Variants in FAF1 observed in about 807,000 individuals in gnomAD.
FAF1 encodes the protein FAS-associated factor 1.
A neutral mutation model predicts 92.5 loss-of-function variants in FAF1; 25 were observed. That is an observed-to-expected ratio of 0.27 (90% CI 0.20 to 0.38). The LOEUF is 0.38. Ranked by LOEUF, FAF1 falls within the 10% of genes least tolerant of loss-of-function variation. The pLI is 1.00. For missense variants in FAF1, 636 were observed against 793.3 expected (o/e 0.80, Z 2.38); for synonymous variants, 234 against 273.2 (o/e 0.86, Z 1.42).
intron 1 of FAF1, among the ~76,000 whole-genome samples, chr1:50,870,374 T>C (rs1644517752): frequency 6.6e-6 from 1 of 152,220 alleles, no homozygotes; most frequent in Admixed American, 6.5e-5. Flanking sequence ...AGAAAATCAC[T>C]TGAACGCGCG....
intron 8 of FAF1, among the ~76,000 whole-genome samples, chr1:50,600,534 T>A (rs1012294035): frequency 1.3e-5 from 2 of 151,972 alleles, no homozygotes; most frequent in Non-Finnish European, 2.9e-5. Context: ...CACAAAAAAA[T>A]TAAAATAAAA....
At chr1:50,894,304 T>TAAAA (rs34801737) in intron 1 of FAF1, among the ~76,000 whole-genome samples, 3 of 62,980 alleles carry the variant, frequency 4.8e-5, no homozygotes, top group African/African-American at 1.6e-4. Flanking sequence ...GTCTCAAAAT[T>TAAAA]AAAAAAAAAA....
chr1:50,788,276 C>T (rs1661437053), intron 3 of FAF1, 71 bp from the exon 4 acceptor site: 1 of 1,318,998 alleles, frequency 7.6e-7, no homozygotes, highest in African/African-American at 1.5e-5. Context: ...GGACCCTCTC[C>T]ATACTTGGCT....
chr1:50,464,128 ATGTCTG>A (rs1399848299), intron 18 of FAF1, among the ~76,000 whole-genome samples: 1 of 152,164 alleles, frequency 6.6e-6, no homozygotes, highest in Non-Finnish European at 1.5e-5. Flanking sequence ...ACCATGTGCC[ATGTCTG>A]TGTCCTCACA....
At chr1:50,531,660 C>T (rs1648176445) in intron 15 of FAF1, among the ~76,000 whole-genome samples, 2 of 152,018 alleles carry the variant, frequency 1.3e-5, no homozygotes. Context: ...AAACCAAATA[C>T]TACTAATGAA....
intron 18 of FAF1, among the ~76,000 whole-genome samples, chr1:50,458,374 C>G (rs906124474): frequency 6.6e-6 from 1 of 152,078 alleles, no homozygotes; most frequent in Non-Finnish European, 1.5e-5. Flanking sequence ...GAAATTTAAA[C>G]TCTTTGAGCT....
chr1:50,845,173 G>T (rs567364986), intron 2 of FAF1, among the ~76,000 whole-genome samples: 30 of 152,136 alleles, frequency 2.0e-4, no homozygotes, highest in Admixed American at 4.6e-4. Context: ...AAGTAAGCAT[G>T]ATATTAACCT....
chr1:50,493,739 C>CATAAA (rs1309633089), intron 15 of FAF1, among the ~76,000 whole-genome samples: 1 of 152,160 alleles, frequency 6.6e-6, no homozygotes, highest in Non-Finnish European at 1.5e-5. Flanking sequence ...TCTTTCCAGG[C>CATAAA]ATAAAATACT....
At chr1:50,665,054 G>T (rs1569714225) in intron 7 of FAF1, among the ~76,000 whole-genome samples, 1 of 152,064 alleles carries the variant, frequency 6.6e-6, no homozygotes, top group Non-Finnish European at 1.5e-5. Flanking sequence ...CTCAATAAAA[G>T]CTCTTAAAAT....
chr1:50,518,795 G>C (rs928829772), intron 15 of FAF1, among the ~76,000 whole-genome samples: 6 of 152,104 alleles, frequency 3.9e-5, no homozygotes, highest in African/African-American at 1.2e-4. Flanking sequence ...CCGAGCAGTA[G>C]GTTGCTGTAT....
In FAF1 at chr1:50,506,100, G is replaced by A. The variant is rs868579995; in HGVS notation, c.1495-14299C>T. Among the ~76,000 whole-genome samples, 24 of 152,338 alleles carry A rather than the reference G, an allele frequency of 1.6e-4. No individual in the cohort carries two copies. The Middle Eastern group carries it at 0.014, about 86-fold the overall frequency. On this transcript the variant is annotated intron_variant, in intron 15 of 18. Coordinates refer to ENST00000396153, the MANE Select transcript of FAF1 (RefSeq NM_007051.3). ...ATAAAAATGATTTGATTAAGCATAT[G>A]AGGGCAAAGGAATAATGGACAGGTT...
At chr1:50,900,940 G>A (rs1205411024) in intron 1 of FAF1, among the ~76,000 whole-genome samples, 1 of 151,602 alleles carries the variant, frequency 6.6e-6, no homozygotes, top group East Asian at 1.9e-4. Context: ...ATTTGATCTT[G>A]ATGTGATTTC....
At position 50,882,662 on chromosome 1, in the gene FAF1, A is replaced by G. The variant is rs142423844; in HGVS notation, c.46-24665T>C. 3.4e-4 allele frequency among the ~76,000 whole-genome samples: 52 copies of G among 151,700 alleles called. No homozygotes were observed. The East Asian group carries it at 8.7e-3, about 25-fold the overall frequency. On this transcript the variant is annotated intron_variant, in intron 1 of 18. Transcript: ENST00000396153. ...TAAATAAATAAATGTGTATGTATGT[A>G]TGTATGTGTAAACACACACAAACTA...
chr1:50,936,497 C>T (rs561872296), intron 1 of FAF1, among the ~76,000 whole-genome samples: 76 of 152,220 alleles, frequency 5.0e-4, no homozygotes, highest in African/African-American at 1.8e-3. Context: ...CACAAAATGA[C>T]GTAAGTTCAA....
chr1:50,957,347 CTTTTTTTTT>C (rs1188286312), intron 1 of FAF1, among the ~76,000 whole-genome samples: 3 of 104,244 alleles, frequency 2.9e-5, no homozygotes, highest in East Asian at 2.7e-4. Context: ...TTTTCATTTT[CTTTTTTTTT>C]TTTTTTTTTT....
intron 7 of FAF1, among the ~76,000 whole-genome samples, chr1:50,660,323 C>T (rs1655315882): frequency 6.6e-6 from 1 of 152,052 alleles, no homozygotes; most frequent in East Asian, 1.9e-4. Context: ...CAGTAGATAA[C>T]ATTCTCAGTT....
intron 13 of FAF1, among the ~76,000 whole-genome samples, chr1:50,555,845 T>C (rs977838257): frequency 6.6e-6 from 1 of 151,906 alleles, no homozygotes; most frequent in Non-Finnish European, 1.5e-5. Context: ...ATGGCAAAGA[T>C]AGGGAATCAA....
rs147401185 is a variant in FAF1 at position 50,565,167 on chromosome 1, A to C, written c.1268+1910T>G. Among the ~76,000 whole-genome samples the C allele has an allele frequency of 2.2e-4, 33 of 152,218 alleles. No individual in the cohort carries two copies. The East Asian group carries it at 5.2e-3, about 24-fold the overall frequency. On this transcript the variant is annotated intron_variant, in intron 13 of 18. Transcript: ENST00000396153. ...AAATATAACACCTTTTAAATTTGTA[A>C]TATGGACAGAACTATTAATAGATTT...
At chr1:50,684,770 T>C (rs903110457) in intron 7 of FAF1, among the ~76,000 whole-genome samples, 1 of 152,184 alleles carries the variant, frequency 6.6e-6, no homozygotes, top group Non-Finnish European at 1.5e-5. Flanking sequence ...TGCTACAATA[T>C]AGATAGAACG....
Sources: allele counts gnomAD v4.1 joint callset (sites outside exome capture counted in the v4.1 genomes callset), GRCh38; gene constraint gnomAD v4.1.1; transcripts MANE v1.5; gene names NCBI Gene and HGNC (gene_info 2026-07-23, HGNC 2026-07-21).